The following GCNT1 variants were observed in gnomAD, a reference collection of about 807,000 sequenced individuals.
GCNT1 encodes the protein glucosaminyl (N-acetyl) transferase 1.
Under a neutral mutation model 26.2 loss-of-function variants are expected in GCNT1, and 16 were observed. The observed-to-expected ratio is 0.61, with a 90% CI of 0.41 to 0.93. The LOEUF is 0.93. Among genes scored for constraint, GCNT1 ranks in the 40% least tolerant of loss-of-function variants. The pLI is 0.00. For missense variants in GCNT1, 477 were observed against 526.7 expected (o/e 0.91, Z 0.92); for synonymous variants, 183 against 190.8 (o/e 0.96, Z 0.34).
intron 2 of GCNT1, among the ~76,000 whole-genome samples, chr9:76,483,927 G>A (rs1020030479): frequency 4.6e-5 from 7 of 152,106 alleles, no homozygotes; most frequent in African/African-American, 7.2e-5. Context: ...TGTTCTTCCC[G>A]CCTCAACCTT....
intron 2 of GCNT1, among the ~76,000 whole-genome samples, chr9:76,492,972 A>G (rs1824788931): frequency 2.0e-5 from 3 of 152,116 alleles, no homozygotes; most frequent in Admixed American, 6.5e-5. Context: ...TTCTCCTGAC[A>G]TCTGCAGCTG....
rs1564249443 is a variant in GCNT1, at chr9:76,503,281, A to G, written c.900A>G (p.Leu300=). The G allele has an allele frequency of 1.8e-5, 29 of 1,614,154 alleles. No individual in the cohort carries two copies. The highest frequency in any genetic ancestry group is 2.5e-5 in the Non-Finnish European group (29 of 1,180,016). The change falls in exon 4 of 4, where the codon CTA becomes CTG. Residue 300 remains leucine (L), a synonymous_variant. Coordinates refer to ENST00000376730, the MANE Select transcript of GCNT1 (RefSeq NM_001490.5). ...VVSREYVGYV[L]QNEKIQKLME... is the part of the protein sequence containing the mutation. ...GTAGGGAGTATGTGGGGTATGTACT[A>G]CAGAATGAAAAAATCCAAAAGTTGA... is the stretch of plus-strand genomic sequence containing the variant.
At chr9:76,490,999 G>A (rs950201779) in intron 2 of GCNT1, among the ~76,000 whole-genome samples, 3 of 152,248 alleles carry the variant, frequency 2.0e-5, no homozygotes, top group Non-Finnish European at 4.4e-5. Flanking sequence ...GTGTTACAGT[G>A]TTACAGGGAA....
chr9:76,421,550 G>A (rs1276483649), intron 1 of GCNT1, among the ~76,000 whole-genome samples: 19 of 141,540 alleles, frequency 1.3e-4, no homozygotes, highest in Non-Finnish European at 4.5e-5. Context: ...TGAGTGAGCC[G>A]AGATGGAGCC....
chr9:76,418,156 G>T (rs984489570), upstream of GCNT1, among the ~76,000 whole-genome samples: 2 of 152,156 alleles, frequency 1.3e-5, no homozygotes, highest in African/African-American at 4.8e-5. Flanking sequence ...GGGAGGAGGG[G>T]TTCCAGGTTA....
At chr9:76,422,916 T>C (rs140873894) in intron 1 of GCNT1, among the ~76,000 whole-genome samples, 96 of 152,336 alleles carry the variant, frequency 6.3e-4, no homozygotes, top group African/African-American at 2.3e-3. Context: ...TTCAACACTA[T>C]TATAAAATAA....
At chr9:76,426,411 T>C (rs560246678) in intron 1 of GCNT1, among the ~76,000 whole-genome samples, 4 of 151,702 alleles carry the variant, frequency 2.6e-5, no homozygotes, top group African/African-American at 9.7e-5. Flanking sequence ...TCGCAAAAAA[T>C]ACAAAAATTA....
chr9:76,495,972 C>T (rs1240913283), intron 2 of GCNT1, among the ~76,000 whole-genome samples: 1 of 152,134 alleles, frequency 6.6e-6, no homozygotes, highest in African/African-American at 2.4e-5. Context: ...GTTTGGGGGT[C>T]TCCCAGTTTA....
chr9:76,470,477 C>G (rs182433808), intron 2 of GCNT1, among the ~76,000 whole-genome samples: 1 of 151,708 alleles, frequency 6.6e-6, no homozygotes, highest in Non-Finnish European at 1.5e-5. Context: ...TGGTGGTGTG[C>G]GTCTGTAGTC....
chr9:76,461,652 C>T (rs12348814), intron 2 of GCNT1, among the ~76,000 whole-genome samples: 16,067 of 151,668 alleles, frequency 0.11, 1,068 homozygotes, highest in African/African-American at 0.19. Context: ...TTTTGGGAGG[C>T]TGAGGCAGGT....
At chr9:76,466,952 C>G (rs925614623) in intron 2 of GCNT1, among the ~76,000 whole-genome samples, 6 of 152,144 alleles carry the variant, frequency 3.9e-5, no homozygotes, top group African/African-American at 1.4e-4. Flanking sequence ...CCCTGTACAC[C>G]TGAAATAGCC....
intron 1 of GCNT1, among the ~76,000 whole-genome samples, chr9:76,428,699 ATTTT>A (rs5898475): frequency 7.7e-6 from 1 of 130,122 alleles, no homozygotes; most frequent in Non-Finnish European, 1.6e-5. Context: ...TGCGTATTCT[ATTTT>A]TTTTTTTTTT....
At chr9:76,498,136 G>A (rs1219489526) in intron 2 of GCNT1, among the ~76,000 whole-genome samples, 3 of 152,104 alleles carry the variant, frequency 2.0e-5, no homozygotes, top group African/African-American at 4.8e-5. Flanking sequence ...ACATTGTATG[G>A]AACTTGTGTG....
At chr9:76,435,918 G>A (rs2131578887) in intron 1 of GCNT1, among the ~76,000 whole-genome samples, 1 of 148,430 alleles carries the variant, frequency 6.7e-6, no homozygotes, top group African/African-American at 2.5e-5. Flanking sequence ...CCTTTAGTAA[G>A]AATGACAGAG....
chr9:76,467,401 A>T (rs1587429447), intron 2 of GCNT1, among the ~76,000 whole-genome samples: 1 of 150,104 alleles, frequency 6.7e-6, no homozygotes, highest in South Asian at 2.1e-4. Context: ...GAGGGGAAGG[A>T]CCTTTTCAAG....
At chr9:76,476,717 A>G (rs1824261497) in intron 2 of GCNT1, among the ~76,000 whole-genome samples, 1 of 152,224 alleles carries the variant, frequency 6.6e-6, no homozygotes, top group Non-Finnish European at 1.5e-5. Flanking sequence ...AATTGGGGTA[A>G]CAGTAAATGT....
intron 1 of GCNT1, among the ~76,000 whole-genome samples, chr9:76,429,254 A>G (rs1365756195): frequency 6.6e-6 from 1 of 152,156 alleles, no homozygotes; most frequent in East Asian, 1.9e-4. Context: ...AGCATGCACA[A>G]GGTTGCCATG....
intron 2 of GCNT1, among the ~76,000 whole-genome samples, chr9:76,468,485 T>C (rs1824057683): frequency 6.6e-6 from 1 of 152,222 alleles, no homozygotes; most frequent in African/African-American, 2.4e-5. Flanking sequence ...AGCTGATGTT[T>C]GATGGTTACC....
At chr9:76,475,195 C>T (rs1824225320) in intron 2 of GCNT1, among the ~76,000 whole-genome samples, 1 of 152,184 alleles carries the variant, frequency 6.6e-6, no homozygotes, top group South Asian at 2.1e-4. Flanking sequence ...ATTTCAAATT[C>T]AATAACTGTA....
Sources: gnomAD v4.1 joint callset for allele counts (sites outside exome capture counted in the v4.1 genomes callset) on GRCh38, gnomAD v4.1.1 for gene constraint, MANE v1.5 for transcripts, NCBI Gene and HGNC (gene_info 2026-07-23, HGNC 2026-07-21) for gene names.